The following MRPL30 variants were observed in gnomAD, a reference collection of about 807,000 sequenced individuals.
MRPL30 encodes the protein mitochondrial ribosomal protein L30, also known as large ribosomal subunit protein uL30m.
In MRPL30, 10 loss-of-function variants were observed where a neutral mutation model predicts 17.2. The observed-to-expected ratio is 0.58, with a 90% CI of 0.36 to 0.99. The LOEUF (loss-of-function observed/expected upper bound fraction) is 0.99, where lower values mean the gene tolerates loss of function less well. Among genes scored for constraint, MRPL30 ranks in the 50% least tolerant of loss-of-function variants. The probability of loss-of-function intolerance (pLI) is 0.01; values close to 1 mark genes in which losing one functional copy is unlikely to be tolerated. For synonymous variants in MRPL30, 61 were observed against 62.1 expected (o/e 0.98, Z 0.08); for missense variants, 170 against 189.8 (o/e 0.90, Z 0.61).
At chr2:99,187,174 C>G (rs935926967) in intron 2 of MRPL30, among the ~76,000 whole-genome samples, 2 of 152,200 alleles carry the variant, frequency 1.3e-5, no homozygotes, top group African/African-American at 4.8e-5. Flanking sequence ...TGCCTGTCTT[C>G]TAGTGGTTTA....
chr2:99,195,062 T>C (rs1269349759), intron 4 of MRPL30, 54 bp from the exon 5 acceptor site: 4 of 1,474,150 alleles, frequency 2.7e-6, no homozygotes, highest in Non-Finnish European at 3.7e-6. Context: ...TACTGAAACA[T>C]GGAACTATCT....
intron 3 of MRPL30, among the ~76,000 whole-genome samples, chr2:99,193,215 A>G (rs572920350): frequency 1.3e-5 from 2 of 152,370 alleles, no homozygotes; most frequent in South Asian, 4.1e-4. Flanking sequence ...CAAGAAACAT[A>G]TGAAAAAAAG....
Position 99,195,770 on chromosome 2 carries a change from T to C in MRPL30, c.*65T>C. The C allele has an allele frequency of 6.2e-7, 1 of 1,602,658 alleles. No individual in the cohort carries two copies. Among genetic ancestry groups the C allele is most frequent in the East Asian group, 2.3e-5 (1 of 44,326 alleles). On this transcript the variant is annotated 3_prime_UTR_variant, in exon 6 of 6. Coordinates refer to ENST00000338148, the MANE Select transcript of MRPL30 (RefSeq NM_145212.4). ...TATTTAAAGATGGTGAGAAAGTGTT[T>C]TCATTAAAATATGTTTTCAAAACCA... is the stretch of plus-strand genomic sequence containing the variant.
intron 3 of MRPL30, among the ~76,000 whole-genome samples, chr2:99,188,600 C>T (rs564062339): frequency 2.6e-5 from 4 of 152,268 alleles, no homozygotes; most frequent in Non-Finnish European, 4.4e-5. Flanking sequence ...TTTCACTTTC[C>T]GTATCGATCA....
rs5832868 is a variant in MRPL30, at chr2:99,181,603, C to CT, written c.-28+368dup. 2.5e-3 allele frequency among the ~76,000 whole-genome samples: 356 copies of CT among 140,738 alleles called. 2 individuals carry two copies. The highest frequency in any genetic ancestry group is 7.5e-3 in the African/African-American group (278 of 37,080). The allele number at this position is 140,738 out of a possible 152,430, so 92.3% of individuals were successfully genotyped here. ...GGGTTGCCACTGGGTATTAAGGTTGCTTTTTTTTTTTTTTAATGAAGACAG... is the reference window on the plus strand; with the variant it reads ...GGGTTGCCACTGGGTATTAAGGTTGCTTTTTTTTTTTTTTTAATGAAGACAG... On this transcript the variant is annotated intron_variant, in intron 1 of 5. Coordinates refer to ENST00000338148, the MANE Select transcript of MRPL30 (RefSeq NM_145212.4).
At position 99,196,096 on chromosome 2, in the gene MRPL30, AT is replaced by A. The variant is rs879810502; in HGVS notation, c.*400del. 25 of 181,358 alleles carry A rather than the reference AT, an allele frequency of 1.4e-4. No individual in the cohort carries two copies. The highest frequency in any genetic ancestry group is 4.0e-4 in the South Asian group (4 of 10,076). The allele number at this position is 181,358 out of a possible 1,614,324, so 11.2% of individuals were successfully genotyped here. A position where few individuals can be genotyped will look rare whatever the true frequency, so the allele number is the denominator to read the frequency against. ...ACTCCATCTCAGGGGAAAAAAAAAA[AT>A]TTTTTTTTCACTGACTAAACCTGCT... On this transcript the variant is annotated 3_prime_UTR_variant, in exon 6 of 6. Transcript: ENST00000338148.
chr2:99,196,987 A>G lies in MRPL30; in HGVS notation c.*1282A>G, dbSNP rs2093956101. 6.6e-6 allele frequency: 1 copy of G among 152,238 alleles called. No individual in the cohort carries two copies. The highest frequency in any genetic ancestry group is 1.5e-5 in the Non-Finnish European group (1 of 68,054). 9.4% of individuals were successfully genotyped at this position (152,238 alleles called of 1,614,324 possible). A position where few individuals can be genotyped will look rare whatever the true frequency, so the allele number is the denominator to read the frequency against. The stretch of plus-strand genomic sequence containing the variant: ...CCTCATGGAACAAGGGTGTGAAATG[A>G]AAATATTTTAGGATTTATTCAAAAA... On this transcript the variant is annotated 3_prime_UTR_variant, in exon 6 of 6. Transcript: ENST00000338148.
At chr2:99,182,271 C>A (rs775862379) in intron 1 of MRPL30, among the ~76,000 whole-genome samples, 1 of 152,154 alleles carries the variant, frequency 6.6e-6, no homozygotes. Context: ...AAAACGTATT[C>A]CTTGCCGGGC....
At chr2:99,193,409 T>C (rs143267155) in intron 3 of MRPL30, among the ~76,000 whole-genome samples, 9 of 152,342 alleles carry the variant, frequency 5.9e-5, no homozygotes, top group East Asian at 1.9e-4. Context: ...ATGAATGATA[T>C]TCTTTTTTAT....
At chr2:99,195,532 A>G (rs2093953658) in intron 5 of MRPL30, 41 bp from the exon 6 acceptor site, 1 of 1,574,326 alleles carries the variant, frequency 6.4e-7, no homozygotes, top group African/African-American at 1.4e-5. Context: ...AGAACGCTAG[A>G]ACGTATTCCT....
intron 1 of MRPL30, among the ~76,000 whole-genome samples, chr2:99,183,764 C>G (rs188307136): frequency 2.6e-4 from 39 of 152,168 alleles, no homozygotes; most frequent in African/African-American, 8.9e-4. Flanking sequence ...GTTGATGAAC[C>G]AATATTGATA....
intron 3 of MRPL30, among the ~76,000 whole-genome samples, chr2:99,189,780 C>G (rs74791501): frequency 0.056 from 8,549 of 152,164 alleles, 475 homozygotes; most frequent in East Asian, 0.21. Context: ...ACACATATAA[C>G]ATTTACCATC....
In MRPL30 at chr2:99,195,126, C is replaced by T. The variant is rs1290470437; in HGVS notation, c.290C>T (p.Pro97Leu). The T allele has an allele frequency of 4.4e-6, 7 of 1,598,582 alleles. No homozygotes were observed. Among genetic ancestry groups the T allele is most frequent in the African/African-American group, 1.4e-5 (1 of 74,012 alleles). ...KMLGLEKAHT[P>L]QVHKNIPSVN... ...TGTTGTTGTTCACAGGCACATACCC[C>T]TCAAGTTCACAAGAATATCCCTTCA... Residue 97 changes from proline to leucine, a missense_variant, in exon 5 of 6, where the codon CCT (proline) becomes CTT (leucine). Physicochemically the swap from Pro to Leu is moderately conservative, Grantham distance 98. Transcript: ENST00000338148.
At chr2:99,187,031 G>C (rs1204453763) in intron 2 of MRPL30, 3 of 152,150 alleles carry the variant, frequency 2.0e-5, no homozygotes, top group Non-Finnish European at 2.9e-5. Context: ...AAGGGGCTTT[G>C]TATATATTAC....
intron 1 of MRPL30, among the ~76,000 whole-genome samples, chr2:99,183,187 G>T (rs1052367090): frequency 1.3e-5 from 2 of 152,084 alleles, no homozygotes; most frequent in African/African-American, 4.8e-5. Context: ...CAGCATGTCT[G>T]GTGATTGAGC....
At chr2:99,195,337 T>TG in intron 5 of MRPL30, 148 bp downstream of exon 5, 1 of 810,722 alleles carries the variant, frequency 1.2e-6, no homozygotes, top group Non-Finnish European at 1.9e-6. Flanking sequence ...ATAATAATTG[T>TG]ACATATTTAT....
At chr2:99,195,422 A>G in intron 5 of MRPL30, 151 bp from the exon 6 acceptor site, 1 of 982,732 alleles carries the variant, frequency 1.0e-6, no homozygotes, top group African/African-American at 1.6e-5. Flanking sequence ...CCATCATCTC[A>G]GACATTTACC....
rs571076473 is a variant in MRPL30, at chr2:99,195,363, G to A, written c.353+174G>A. ...ACATATTTATGGGGTACATAGTGAC[G>A]TTTCAATATATATAAAGTATAGTGA... is the stretch of plus-strand genomic sequence containing the variant. On this transcript the variant is annotated intron_variant, in intron 5 of 5. Coordinates refer to ENST00000338148, the MANE Select transcript of MRPL30 (RefSeq NM_145212.4). 2.6e-4 allele frequency: 185 copies of A among 722,516 alleles called. 1 individual carries two copies. The East Asian group carries it at 4.3e-3, about 17-fold the overall frequency. The allele number at this position is 722,516 out of a possible 1,614,324, so 44.8% of individuals were successfully genotyped here.
At chr2:99,184,425 A>G (rs937542297) in intron 1 of MRPL30, among the ~76,000 whole-genome samples, 2 of 152,102 alleles carry the variant, frequency 1.3e-5, no homozygotes, top group Non-Finnish European at 2.9e-5. Flanking sequence ...TATATCCCTC[A>G]ATAGCTATAT....
Sources: gnomAD v4.1 joint callset for allele counts (sites outside exome capture counted in the v4.1 genomes callset) on GRCh38, gnomAD v4.1.1 for gene constraint, MANE v1.5 for transcripts, NCBI Gene and HGNC (gene_info 2026-07-23, HGNC 2026-07-21) for gene names.